Variants in CNGB3 observed in about 807,000 individuals in gnomAD.
The protein encoded by CNGB3 is cyclic nucleotide gated channel subunit beta 3.
CNGB3 carries 86 observed loss-of-function variants against 92.8 expected under a neutral mutation model. That is an observed-to-expected ratio of 0.93 (90% CI 0.78 to 1.11). The LOEUF is 1.11. Among genes scored for constraint, CNGB3 ranks in the 50% least tolerant of loss-of-function variants. The pLI, the probability that CNGB3 is intolerant of heterozygous loss-of-function variation, is 0.00. For synonymous variants in CNGB3, 333 were observed against 332.7 expected, an observed-to-expected ratio of 1.00 and a Z score of -0.01; for missense variants, 1,026 against 956.8, an observed-to-expected ratio of 1.07 and a Z score of -0.95.
rs377220676 is a variant in CNGB3 at position 86,681,344 on chromosome 8, A to G, written c.339-10246T>C. Among the ~76,000 whole-genome samples, 3 of 152,340 alleles carry G rather than the reference A, an allele frequency of 2.0e-5. No homozygotes were observed. In the East Asian group the frequency reaches 5.8e-4, roughly 29 times the overall value. On this transcript the variant is annotated intron_variant, in intron 3 of 17. Transcript: ENST00000320005. The stretch of plus-strand genomic sequence containing the variant: ...AGATTTGAGATTAGCTAAACTGCCG[A>G]ATGAACACAACAGAGGAGAGAATGA...
intron 3 of CNGB3, among the ~76,000 whole-genome samples, chr8:86,693,563 T>A (rs1322268264): frequency 6.7e-6 from 1 of 149,976 alleles, no homozygotes; most frequent in East Asian, 1.9e-4. Flanking sequence ...AACAAAGGTC[T>A]CTGGTTTTCC....
At chr8:86,721,725 T>C (rs796771552) in intron 3 of CNGB3, among the ~76,000 whole-genome samples, 28 of 152,260 alleles carry the variant, frequency 1.8e-4, no homozygotes, top group Admixed American at 5.9e-4. Flanking sequence ...GGTTTCCCTT[T>C]TTTAAAAAAA....
chr8:86,705,324 A>G (rs550730142), intron 3 of CNGB3, among the ~76,000 whole-genome samples: 10 of 152,242 alleles, frequency 6.6e-5, no homozygotes, highest in African/African-American at 2.2e-4. Context: ...ACTATGCACC[A>G]GTAAACTATT....
intron 3 of CNGB3, among the ~76,000 whole-genome samples, chr8:86,680,554 C>T (rs1241964154): frequency 6.6e-6 from 1 of 152,050 alleles, no homozygotes; most frequent in Admixed American, 6.6e-5. Flanking sequence ...TTGACCAAAC[C>T]TGCATTCAGT....
chr8:86,644,710 C>A (rs756101803), intron 8 of CNGB3, 24 bp from the exon 9 acceptor site: 2 of 1,447,016 alleles, frequency 1.4e-6, no homozygotes, highest in Admixed American at 2.0e-5. Flanking sequence ...CAAAAGAAAT[C>A]CAAAAGCATG....
chr8:86,715,864 T>C (rs1001628210), intron 3 of CNGB3, among the ~76,000 whole-genome samples: 2 of 147,516 alleles, frequency 1.4e-5, no homozygotes, highest in Middle Eastern at 6.9e-3. Flanking sequence ...TTAAGAGATA[T>C]ACCTAATGCT....
chr8:86,639,509 C>T (rs1585986103), intron 10 of CNGB3, among the ~76,000 whole-genome samples: 1 of 151,940 alleles, frequency 6.6e-6, no homozygotes, highest in East Asian at 1.9e-4. Flanking sequence ...TCCATTTATG[C>T]CCCACAGTCT....
chr8:86,659,017 G>C (rs1395765485), intron 6 of CNGB3: 2 of 1,021,748 alleles, frequency 2.0e-6, no homozygotes, highest in East Asian at 2.4e-5. Flanking sequence ...TCCTTCCGCA[G>C]GTGCTCGGCC....
chr8:86,693,372 T>C lies in CNGB3; in HGVS notation c.339-22274A>G, dbSNP rs184545743. Among the ~76,000 whole-genome samples the C allele has an allele frequency of 1.3e-3, 203 of 151,954 alleles. 2 individuals are homozygous for C. Among genetic ancestry groups the C allele is most frequent in the African/African-American group, 4.4e-3 (182 of 41,552 alleles). On this transcript the variant is annotated intron_variant, in intron 3 of 17. Transcript: ENST00000320005. ...TTACTCAGGAACAACAATTATGTTT[T>C]GTTGTTTAATGTAATCTCAAATTTA... is the stretch of plus-strand genomic sequence containing the variant.
At chr8:86,650,276 C>T (rs1249892601) in intron 7 of CNGB3, among the ~76,000 whole-genome samples, 1 of 151,420 alleles carries the variant, frequency 6.6e-6, no homozygotes, top group African/African-American at 2.4e-5. Flanking sequence ...CTCAACTCCC[C>T]TCTCAACTCC....
chr8:86,708,761 G>A (rs555273521), intron 3 of CNGB3, among the ~76,000 whole-genome samples: 1 of 151,720 alleles, frequency 6.6e-6, no homozygotes, highest in African/African-American at 2.4e-5. Context: ...TGTAAAGATG[G>A]GGTCTTGCTC....
At chr8:86,701,723 A>AT (rs1824560682) in intron 3 of CNGB3, among the ~76,000 whole-genome samples, 1 of 152,206 alleles carries the variant, frequency 6.6e-6, no homozygotes, top group Non-Finnish European at 1.5e-5. Flanking sequence ...ATCTCATGGT[A>AT]GATTTTATTT....
intron 8 of CNGB3, 69 bp from the exon 9 acceptor site, chr8:86,644,755 A>T: frequency 9.8e-7 from 1 of 1,017,302 alleles, no homozygotes; most frequent in Non-Finnish European, 1.3e-6. Context: ...ATAAAACTAT[A>T]TGAAATAGAT....
chr8:86,663,998 C>G (rs1010247509), intron 6 of CNGB3, among the ~76,000 whole-genome samples: 16 of 152,168 alleles, frequency 1.1e-4, no homozygotes, highest in Non-Finnish European at 1.8e-4. Flanking sequence ...TTTTCTCCCC[C>G]CTTGTGAGTC....
At chr8:86,663,082 C>T (rs560610076) in intron 6 of CNGB3, among the ~76,000 whole-genome samples, 1 of 152,182 alleles carries the variant, frequency 6.6e-6, no homozygotes, top group African/African-American at 2.4e-5. Flanking sequence ...AATTAAATAA[C>T]AGAATTATGA....
chr8:86,672,394 C>T (rs764316962), intron 3 of CNGB3, among the ~76,000 whole-genome samples: 8 of 152,144 alleles, frequency 5.3e-5, no homozygotes, highest in Non-Finnish European at 1.0e-4. Flanking sequence ...CCTCCGTCCC[C>T]AGCCAATGAA....
At chr8:86,690,651 G>C (rs1824294004) in intron 3 of CNGB3, among the ~76,000 whole-genome samples, 1 of 152,098 alleles carries the variant, frequency 6.6e-6, no homozygotes, top group South Asian at 2.1e-4. Flanking sequence ...TGTCCTGAAT[G>C]ATATTGCCTA....
chr8:86,645,505 G>C (rs1823279748), intron 8 of CNGB3, among the ~76,000 whole-genome samples: 1 of 151,208 alleles, frequency 6.6e-6, no homozygotes, highest in African/African-American at 2.4e-5. Context: ...CCCCAAAAGG[G>C]TTGTGTGCAT....
chr8:86,675,616 G>T (rs181880878), intron 3 of CNGB3, among the ~76,000 whole-genome samples: 21 of 152,062 alleles, frequency 1.4e-4, no homozygotes, highest in Admixed American at 7.9e-4. Flanking sequence ...GTCTTGCTTT[G>T]TTGCCCAGGC....
Sources: allele counts gnomAD v4.1 joint callset (sites outside exome capture counted in the v4.1 genomes callset), GRCh38; gene constraint gnomAD v4.1.1; transcripts MANE v1.5; gene names NCBI Gene and HGNC (gene_info 2026-07-23, HGNC 2026-07-21).